Variants in MRAP2 observed in about 807,000 individuals in gnomAD.
MRAP2 encodes melanocortin-2 receptor accessory protein 2.
Under a neutral mutation model 17.4 loss-of-function variants are expected in MRAP2, and 20 were observed. That is an observed-to-expected ratio of 1.15 (90% CI 0.81 to 1.67). The LOEUF (loss-of-function observed/expected upper bound fraction) is 1.67. Among genes scored for constraint, MRAP2 ranks in the 40% most tolerant of loss-of-function variants. MRAP2 has a pLI of 0.00. For synonymous variants in MRAP2, 96 were observed against 88.4 expected (o/e 1.09, Z -0.48); for missense variants, 238 against 240.0 (o/e 0.99, Z 0.05).
chr6:84,034,407 T>C (rs2129154607), intron 1 of MRAP2, among the ~76,000 whole-genome samples: 1 of 152,232 alleles, frequency 6.6e-6, no homozygotes, highest in East Asian at 1.9e-4. Flanking sequence ...TTGTTTGGAC[T>C]GGGGAGCCTG....
At chr6:84,065,162 G>A (rs1157806587) in intron 3 of MRAP2, among the ~76,000 whole-genome samples, 1 of 152,042 alleles carries the variant, frequency 6.6e-6, no homozygotes. Flanking sequence ...GTGCACACCT[G>A]TAGTCCCAGC....
the MRAP2 span, among the ~76,000 whole-genome samples, chr6:84,118,560 G>C: frequency 6.6e-6 from 1 of 151,988 alleles, no homozygotes; most frequent in African/African-American, 2.4e-5. Flanking sequence ...CTGGGGGAAC[G>C]CTTCCTCAGA....
the MRAP2 span, among the ~76,000 whole-genome samples, chr6:84,125,860 C>A: frequency 6.6e-5 from 10 of 152,008 alleles, no homozygotes; most frequent in African/African-American, 2.4e-4. Flanking sequence ...TTATGTCAGC[C>A]CAAGCAGACT....
chr6:84,073,411 T>C lies in MRAP2; in HGVS notation c.227+10419T>C, dbSNP rs145520107. ...GGCTCTCCCTTTCCCACTTCTGCAGTTGGGGCACCCACAGTATTTGGGGTA... is the reference window on the plus strand; with the variant it reads ...GGCTCTCCCTTTCCCACTTCTGCAGCTGGGGCACCCACAGTATTTGGGGTA... On this transcript the variant is annotated intron_variant, in intron 3 of 3. Coordinates refer to ENST00000257776, the MANE Select transcript of MRAP2 (RefSeq NM_138409.4). 2.4e-3 allele frequency among the ~76,000 whole-genome samples: 369 copies of C among 152,336 alleles called. 3 individuals carry two copies. Among genetic ancestry groups the C allele is most frequent in the African/African-American group, 8.7e-3 (362 of 41,578 alleles).
At chr6:84,048,052 AT>A (rs1233194472) in intron 1 of MRAP2, among the ~76,000 whole-genome samples, 7 of 152,184 alleles carry the variant, frequency 4.6e-5, no homozygotes, top group Non-Finnish European at 1.5e-5. Flanking sequence ...CCTTTTGGCT[AT>A]TGTAAATAAT....
chr6:84,114,746 G>A, the MRAP2 span, among the ~76,000 whole-genome samples: 10 of 152,078 alleles, frequency 6.6e-5, no homozygotes, highest in Admixed American at 3.3e-4. Flanking sequence ...GGTGACCTTC[G>A]GATGGGGTCT....
intron 3 of MRAP2, chr6:84,063,459 A>T (rs1472214327): frequency 5.1e-6 from 5 of 974,030 alleles, no homozygotes; most frequent in Non-Finnish European, 6.1e-6. Context: ...AATGATTAAT[A>T]AATTTAACAG....
At chr6:84,128,642 CAAAT>C in the MRAP2 span, among the ~76,000 whole-genome samples, 10 of 152,028 alleles carry the variant, frequency 6.6e-5, no homozygotes, top group African/African-American at 2.2e-4. Context: ...TGATGAGAAT[CAAAT>C]AAAATAAGGT....
chr6:84,109,376 A>G, the MRAP2 span, among the ~76,000 whole-genome samples: 1 of 152,038 alleles, frequency 6.6e-6, no homozygotes, highest in African/African-American at 2.4e-5. Flanking sequence ...TTTTCCTTGA[A>G]GAGGTCCTTC....
chr6:84,098,554 C>T, the MRAP2 span, among the ~76,000 whole-genome samples: 17 of 152,180 alleles, frequency 1.1e-4, no homozygotes, highest in South Asian at 3.5e-3. Flanking sequence ...AAACAGTTTT[C>T]CAAAATGGTT....
At chr6:84,129,726 A>C in the MRAP2 span, among the ~76,000 whole-genome samples, 1 of 151,992 alleles carries the variant, frequency 6.6e-6, no homozygotes, top group Admixed American at 6.6e-5. Context: ...TTGGTGTTTT[A>C]GTCATGAAGA....
intron 1 of MRAP2, among the ~76,000 whole-genome samples, chr6:84,046,380 A>G (rs540786550): frequency 4.0e-4 from 61 of 152,252 alleles, no homozygotes; most frequent in Non-Finnish European, 5.3e-4. Context: ...CTAATTTTCA[A>G]TGTAATCCAT....
the MRAP2 span, among the ~76,000 whole-genome samples, chr6:84,112,534 TTA>T: frequency 2.0e-5 from 3 of 152,210 alleles, no homozygotes; most frequent in Non-Finnish European, 4.4e-5. Context: ...ATCTATTTTG[TTA>T]ATCTTTACAA....
the MRAP2 span, among the ~76,000 whole-genome samples, chr6:84,122,628 G>A: frequency 9.2e-5 from 14 of 152,174 alleles, no homozygotes; most frequent in African/African-American, 2.9e-4. Context: ...ACATCATACT[G>A]CATGGGTTAA....
At chr6:84,120,086 G>C in the MRAP2 span, among the ~76,000 whole-genome samples, 1 of 152,158 alleles carries the variant, frequency 6.6e-6, no homozygotes, top group Non-Finnish European at 1.5e-5. Flanking sequence ...TGAGAACCTG[G>C]GGGACACTCG....
chr6:84,053,730 A>G (rs1243076528), intron 1 of MRAP2, among the ~76,000 whole-genome samples: 3 of 152,234 alleles, frequency 2.0e-5, no homozygotes, highest in African/African-American at 7.2e-5. Flanking sequence ...TGGCAACTCC[A>G]TGAAGTGGGT....
the MRAP2 span, among the ~76,000 whole-genome samples, chr6:84,121,314 G>C: frequency 1.3e-5 from 2 of 152,040 alleles, 1 homozygote; most frequent in South Asian, 4.1e-4. Context: ...ATGGTGGAAT[G>C]AAATTAGAAA....
chr6:84,120,160 G>A, the MRAP2 span, among the ~76,000 whole-genome samples: 1 of 152,150 alleles, frequency 6.6e-6, no homozygotes, highest in African/African-American at 2.4e-5. Context: ...CAGAAGAAGG[G>A]TGTCTTAGCT....
the MRAP2 span, chr6:84,125,131 T>C: frequency 6.2e-7 from 1 of 1,613,600 alleles, no homozygotes; most frequent in African/African-American, 1.3e-5. Context: ...TCCTTGCCGG[T>C]GCAGCTCTCG....
Sources: gnomAD v4.1 joint callset for allele counts (sites outside exome capture counted in the v4.1 genomes callset) on GRCh38, gnomAD v4.1.1 for gene constraint, MANE v1.5 for transcripts, NCBI Gene and HGNC (gene_info 2026-07-23, HGNC 2026-07-21) for gene names.